The following ST18 variants were observed in gnomAD, a reference collection of about 807,000 sequenced individuals.
ST18 encodes the protein suppression of tumorigenicity 18 protein.
Under a neutral mutation model 110.0 loss-of-function variants are expected in ST18, and 50 were observed. The ratio of observed to expected loss-of-function variants is 0.45; its 90% CI spans 0.36 to 0.58. The LOEUF (loss-of-function observed/expected upper bound fraction) is 0.58. Among genes scored for constraint, ST18 ranks in the 20% least tolerant of loss-of-function variants. The pLI is 0.00. For synonymous variants in ST18, 461 were observed against 452.4 expected (o/e 1.02, Z -0.24); for missense variants, 1,306 against 1,280.1 (o/e 1.02, Z -0.31).
chr8:52,266,132 T>C (rs1267398100), intron 2 of ST18, among the ~76,000 whole-genome samples: 1 of 152,214 alleles, frequency 6.6e-6, no homozygotes, highest in Non-Finnish European at 1.5e-5. Context: ...ATTTAAACTA[T>C]GCAAGAGCAG....
intron 11 of ST18, among the ~76,000 whole-genome samples, chr8:52,165,908 T>C (rs2062822757): frequency 6.6e-6 from 1 of 152,200 alleles, no homozygotes. Context: ...CAGGTCGATA[T>C]TGTACAATGT....
At chr8:52,166,067 G>C (rs2133425219) in intron 11 of ST18, among the ~76,000 whole-genome samples, 1 of 152,312 alleles carries the variant, frequency 6.6e-6, no homozygotes, top group African/African-American at 2.4e-5. Flanking sequence ...CCCATTGCGA[G>C]AGGAGGCCAG....
intron 2 of ST18, among the ~76,000 whole-genome samples, chr8:52,326,323 T>C (rs933552915): frequency 1.1e-4 from 17 of 152,142 alleles, no homozygotes; most frequent in African/African-American, 3.4e-4. Context: ...GAATTTACCA[T>C]AGACAGAGGC....
At chr8:52,160,508 A>G (rs924186867) in intron 14 of ST18, among the ~76,000 whole-genome samples, 4 of 152,214 alleles carry the variant, frequency 2.6e-5, no homozygotes, top group African/African-American at 9.6e-5. Flanking sequence ...TGCAAGTTCA[A>G]AGGGATTCTA....
At chr8:52,318,121 A>T (rs1477334352) in intron 2 of ST18, among the ~76,000 whole-genome samples, 1 of 152,244 alleles carries the variant, frequency 6.6e-6, no homozygotes, top group African/African-American at 2.4e-5. Flanking sequence ...AAATTGTTGC[A>T]ATCTATGCAT....
chr8:52,131,376 G>A (rs1431899369), intron 22 of ST18, among the ~76,000 whole-genome samples: 2 of 152,164 alleles, frequency 1.3e-5, no homozygotes, highest in Non-Finnish European at 1.5e-5. Flanking sequence ...GAAAGGGCTT[G>A]GTTGAATGCA....
intron 23 of ST18, among the ~76,000 whole-genome samples, chr8:52,119,235 C>T (rs959424906): frequency 6.6e-6 from 1 of 152,186 alleles, no homozygotes; most frequent in Non-Finnish European, 1.5e-5. Flanking sequence ...ATGCCACAGG[C>T]TCTCAGTGAA....
In ST18 at chr8:52,165,117, T is replaced by C. The variant is rs2062530441; in HGVS notation, c.1295+18A>G. 16 of 1,612,312 alleles carry C rather than the reference T, an allele frequency of 9.9e-6. No homozygotes were observed. The highest frequency in any genetic ancestry group is 1.3e-5 in the Non-Finnish European group (15 of 1,178,532). On this transcript the variant is annotated intron_variant, in intron 12 of 25. Coordinates refer to ENST00000689386, the MANE Select transcript of ST18 (RefSeq NM_001352837.2). ...ACATTTTTTAAATGCAAAATGATTA[T>C]CATCTAATGAGAATTACCTCCTGTG...
chr8:52,319,079 A>G (rs1240667309), intron 2 of ST18, among the ~76,000 whole-genome samples: 1 of 152,150 alleles, frequency 6.6e-6, no homozygotes, highest in Non-Finnish European at 1.5e-5. Context: ...GTACCCCTGA[A>G]CTTAAAATAA....
chr8:52,407,373 T>A (rs1844879165), intron 2 of ST18: 1 of 152,232 alleles, frequency 6.6e-6, no homozygotes, highest in Non-Finnish European at 1.5e-5. Flanking sequence ...AATGGGAAAC[T>A]TCCTTAAGCT....
In ST18 at chr8:52,158,992, T is replaced by C. The variant is rs1217391862; in HGVS notation, c.1712A>G (p.His571Arg). Residue 571 changes from histidine to arginine, a missense_variant, in exon 15 of 26, where the codon CAC (histidine) becomes CGC (arginine). Transcript: ENST00000689386. ...CAGGATGGCAGCAGCTGCTGCTATG[T>C]GGGTGTCTTCACTACATTGACCGTA... ...YSYGQCSEDTHIAAAAAILNL... is the reference protein window; with the variant it reads ...YSYGQCSEDTRIAAAAAILNL... 2 of 1,613,942 alleles carry C rather than the reference T, an allele frequency of 1.2e-6. No individual in the cohort carries two copies. The highest frequency in any genetic ancestry group is 1.3e-5 in the African/African-American group (1 of 74,904).
chr8:52,318,206 A>G (rs1359756820), intron 2 of ST18, among the ~76,000 whole-genome samples: 1 of 152,204 alleles, frequency 6.6e-6, no homozygotes, highest in Non-Finnish European at 1.5e-5. Flanking sequence ...CTTACAAGAA[A>G]AAAACAAACA....
chr8:52,138,700 C>T (rs897599457), intron 17 of ST18, among the ~76,000 whole-genome samples: 1 of 152,166 alleles, frequency 6.6e-6, no homozygotes, highest in African/African-American at 2.4e-5. Flanking sequence ...GTTTGAAAGT[C>T]ACTCATTTGT....
chr8:52,402,529 T>TAG (rs1485865468), intron 2 of ST18, among the ~76,000 whole-genome samples: 1 of 152,136 alleles, frequency 6.6e-6, no homozygotes, highest in Non-Finnish European at 1.5e-5. Flanking sequence ...AGGGGTGTTC[T>TAG]AGACGCTCAG....
At chr8:52,187,307 A>G (rs537879691) in intron 8 of ST18, among the ~76,000 whole-genome samples, 1 of 152,352 alleles carries the variant, frequency 6.6e-6, no homozygotes, top group South Asian at 2.1e-4. Flanking sequence ...TGGTACTATT[A>G]TATCTCTAAA....
chr8:52,325,939 A>C (rs1472774400), intron 2 of ST18, among the ~76,000 whole-genome samples: 2 of 152,204 alleles, frequency 1.3e-5, no homozygotes, highest in African/African-American at 4.8e-5. Context: ...GTTCCTTTTC[A>C]ATATATTAGG....
rs573238941 is a variant in ST18 at position 52,402,567 on chromosome 8, T to C, written c.-465+6761A>G. On this transcript the variant is annotated intron_variant, in intron 2 of 25. Coordinates refer to ENST00000689386, the MANE Select transcript of ST18 (RefSeq NM_001352837.2). ...CCCAGAGAGCAGGCGACAGCTGCAA[T>C]TCAGGTCTTAGAACCAATAGGGCAC... 1.1e-4 allele frequency among the ~76,000 whole-genome samples: 16 copies of C among 152,216 alleles called. No homozygotes were observed. In the South Asian group the frequency reaches 3.1e-3, roughly 30 times the overall value.
At position 52,167,698 on chromosome 8, in the gene ST18, A is replaced by G. The variant is rs1278465024; in HGVS notation, c.1070-712T>C. On this transcript the variant is annotated intron_variant, in intron 10 of 25. Coordinates refer to ENST00000689386, the MANE Select transcript of ST18 (RefSeq NM_001352837.2). ...GGCAGCAGGAAGACTTGGAAGGGAA[A>G]TGTTCTTGCAGGAGACTTCCAGAAA... 2.0e-5 allele frequency among the ~76,000 whole-genome samples: 3 copies of G among 152,190 alleles called. No individual in the cohort carries two copies. In the East Asian group the frequency reaches 5.8e-4, roughly 29 times the overall value.
chr8:52,292,505 T>C (rs2095571504), intron 2 of ST18, among the ~76,000 whole-genome samples: 1 of 152,248 alleles, frequency 6.6e-6, no homozygotes, highest in Admixed American at 6.5e-5. Flanking sequence ...TATATGCACC[T>C]AATGCCTTAA....
Sources: gnomAD v4.1 joint callset for allele counts (sites outside exome capture counted in the v4.1 genomes callset) on GRCh38, gnomAD v4.1.1 for gene constraint, MANE v1.5 for transcripts, NCBI Gene and HGNC (gene_info 2026-07-23, HGNC 2026-07-21) for gene names.